Variants in ASIC2 observed in about 807,000 individuals in gnomAD.
The protein encoded by ASIC2 is acid-sensing ion channel 2.
A neutral mutation model predicts 57.3 loss-of-function variants in ASIC2; 25 were observed. That is an observed-to-expected ratio of 0.44 (90% CI 0.32 to 0.61). The LOEUF (loss-of-function observed/expected upper bound fraction) is 0.61, where lower values mean the gene tolerates loss of function less well. ASIC2 is among the 20% of genes least tolerant of loss of function. The pLI is 0.06. For synonymous variants in ASIC2, 319 were observed against 307.5 expected (o/e 1.04, Z -0.39); for missense variants, 641 against 738.1 (o/e 0.87, Z 1.52).
chr17:33,983,035 C>T (rs1905682640), intron 1 of ASIC2, among the ~76,000 whole-genome samples: 1 of 152,214 alleles, frequency 6.6e-6, no homozygotes, highest in Admixed American at 6.5e-5. Context: ...GTGAGTAAAT[C>T]AACCATCAAT....
intron 1 of ASIC2, among the ~76,000 whole-genome samples, chr17:33,861,731 T>C (rs930562299): frequency 1.3e-5 from 2 of 152,218 alleles, no homozygotes; most frequent in African/African-American, 4.8e-5. Context: ...TTTGGTTTGC[T>C]TTCCACTACT....
At chr17:34,072,588 C>T (rs1220665619) in intron 1 of ASIC2, among the ~76,000 whole-genome samples, 3 of 152,028 alleles carry the variant, frequency 2.0e-5, no homozygotes, top group African/African-American at 7.2e-5. Flanking sequence ...TGAAAGTCAC[C>T]CATAACCCTC....
At chr17:33,790,073 T>C (rs1911725180) in intron 1 of ASIC2, among the ~76,000 whole-genome samples, 1 of 152,242 alleles carries the variant, frequency 6.6e-6, no homozygotes, top group South Asian at 2.1e-4. Context: ...TGATGCCTAA[T>C]CAAAATAGAA....
At position 34,072,912 on chromosome 17, in the gene ASIC2, C is replaced by T. The variant is rs569091254; in HGVS notation, c.555+83066G>A. Among the ~76,000 whole-genome samples the T allele has an allele frequency of 5.3e-5, 8 of 152,212 alleles. No homozygotes were observed. In the East Asian group the frequency reaches 7.7e-4, roughly 15 times the overall value. ...TTTAAGAAATGTTTTTTTAACTGTG[C>T]GTGCCCTGGTACTAAATTTTGTAAT... On this transcript the variant is annotated intron_variant, in intron 1 of 9. Transcript: ENST00000359872.
intron 1 of ASIC2, among the ~76,000 whole-genome samples, chr17:33,948,745 C>T (rs4795839): frequency 0.15 from 22,644 of 152,194 alleles, 2,164 homozygotes; most frequent in East Asian, 0.28. Context: ...ATTGTCAATG[C>T]CTACCTTACA....
chr17:33,815,052 T>C lies in ASIC2; in HGVS notation c.555+340926A>G, dbSNP rs577145262. 4.0e-3 allele frequency among the ~76,000 whole-genome samples: 604 copies of C among 152,270 alleles called. 3 individuals carry two copies. Among genetic ancestry groups the C allele is most frequent in the Non-Finnish European group, 6.5e-3 (445 of 68,008 alleles). On this transcript the variant is annotated intron_variant, in intron 1 of 9. Coordinates refer to the ASIC2 transcript ENST00000359872. ...AAGCATGGGCATTGAGGTATGACAG[T>C]GTAGGTGTGGTGTGGGCGAGTGTGT...
intron 1 of ASIC2, among the ~76,000 whole-genome samples, chr17:33,333,876 A>C (rs1334637565): frequency 6.6e-6 from 1 of 152,134 alleles, no homozygotes; most frequent in African/African-American, 2.4e-5. Context: ...CATTTCTGAC[A>C]ATTTGGAAAG....
intron 3 of ASIC2, among the ~76,000 whole-genome samples, chr17:33,072,067 C>T (rs2141950791): frequency 6.6e-6 from 1 of 152,240 alleles, no homozygotes; most frequent in South Asian, 2.1e-4. Context: ...GTCCTCTCCT[C>T]TCTGGTGCTC....
chr17:33,863,645 T>C (rs1021245375), intron 1 of ASIC2, among the ~76,000 whole-genome samples: 3 of 152,232 alleles, frequency 2.0e-5, no homozygotes, highest in Admixed American at 6.5e-5. Context: ...GCCACCATCT[T>C]TTTAAATTAT....
Position 33,321,022 on chromosome 17 carries a change from C to G in ASIC2, c.556-208955G>C, listed in dbSNP as rs945235997. ...TTCAGTCTGTGGCTACTAGGAATAG[C>G]GCTGCTGTGAATATCCTTGTTCAAG... On this transcript the variant is annotated intron_variant, in intron 1 of 9. Transcript: ENST00000359872. 4.6e-5 allele frequency among the ~76,000 whole-genome samples: 7 copies of G among 152,160 alleles called. No homozygotes were observed. In the South Asian group the frequency reaches 6.2e-4, roughly 14 times the overall value.
chr17:33,354,390 C>A (rs902080120), intron 1 of ASIC2, among the ~76,000 whole-genome samples: 1 of 152,160 alleles, frequency 6.6e-6, no homozygotes, highest in African/African-American at 2.4e-5. Flanking sequence ...CCTAACTGGT[C>A]TTCTCACCTC....
chr17:33,482,646 T>C (rs1913443583), intron 1 of ASIC2, among the ~76,000 whole-genome samples: 1 of 152,216 alleles, frequency 6.6e-6, no homozygotes, highest in Admixed American at 6.5e-5. Context: ...TTTCAGTGAC[T>C]TGTCCAAGGT....
At chr17:33,607,887 G>A (rs1905269076) in intron 1 of ASIC2, among the ~76,000 whole-genome samples, 1 of 152,156 alleles carries the variant, frequency 6.6e-6, no homozygotes, top group Non-Finnish European at 1.5e-5. Context: ...GGAACTTCTG[G>A]AGGGACTGAG....
At chr17:33,201,910 T>G (rs1385594347) in intron 1 of ASIC2, among the ~76,000 whole-genome samples, 1 of 149,808 alleles carries the variant, frequency 6.7e-6, no homozygotes, top group African/African-American at 2.5e-5. Context: ...TGCATGCCCA[T>G]GGTCCCACCT....
rs1290233214 is a variant in ASIC2, at chr17:33,694,524, T to C, written c.555+461454A>G. On this transcript the variant is annotated intron_variant, in intron 1 of 9. Coordinates refer to the ASIC2 transcript ENST00000359872. ...ACTACCTGAGCTACTCTTCCTCATC[T>C]CATAGCCAAATCCAAGCCACAGTTA... Among the ~76,000 whole-genome samples the C allele has an allele frequency of 2.0e-5, 3 of 152,200 alleles. No individual in the cohort carries two copies. The East Asian group carries it at 5.8e-4, about 29-fold the overall frequency.
At chr17:33,572,307 C>T (rs953466639) in intron 1 of ASIC2, 1 of 149,750 alleles carries the variant, frequency 6.7e-6, no homozygotes, top group East Asian at 1.9e-4. Flanking sequence ...AACGCACCCC[C>T]CCCACCCCAG....
intron 1 of ASIC2, among the ~76,000 whole-genome samples, chr17:33,238,255 C>T (rs2142116286): frequency 6.6e-6 from 1 of 152,326 alleles, no homozygotes; most frequent in East Asian, 1.9e-4. Flanking sequence ...CACGACGGCA[C>T]TGCAAGATTT....
chr17:33,965,995 C>T (rs919021911), intron 1 of ASIC2, among the ~76,000 whole-genome samples: 3 of 152,230 alleles, frequency 2.0e-5, no homozygotes, highest in Admixed American at 2.0e-4. Context: ...TGGAAAGATG[C>T]CAGCCTGCCA....
intron 1 of ASIC2, among the ~76,000 whole-genome samples, chr17:33,495,927 A>C (rs937720104): frequency 3.9e-5 from 6 of 152,202 alleles, no homozygotes; most frequent in Non-Finnish European, 7.3e-5. Flanking sequence ...GGTACAAGGA[A>C]AAGCACCGAC....
Sources: gnomAD v4.1 joint callset for allele counts (sites outside exome capture counted in the v4.1 genomes callset) on GRCh38, gnomAD v4.1.1 for gene constraint, MANE v1.5 for transcripts, NCBI Gene and HGNC (gene_info 2026-07-23, HGNC 2026-07-21) for gene names.